SPAG16: variants seen among roughly 807,000 people sequenced by gnomAD.
SPAG16 encodes the protein sperm associated antigen 16.
Under a neutral mutation model 80.4 loss-of-function variants are expected in SPAG16, and 86 were observed. The observed-to-expected ratio is 1.07, with a 90% CI of 0.90 to 1.28. The LOEUF (loss-of-function observed/expected upper bound fraction) is 1.28. Among genes scored for constraint, SPAG16 ranks in the 50% most tolerant of loss-of-function variants. The pLI, the probability that SPAG16 is intolerant of heterozygous loss-of-function variation, is 0.00. For synonymous variants in SPAG16, 294 were observed against 265.9 expected (o/e 1.11, Z -1.03); for missense variants, 870 against 765.3 (o/e 1.14, Z -1.61).
chr2:213,467,905 A>T (rs560233270), intron 9 of SPAG16, among the ~76,000 whole-genome samples: 1 of 152,228 alleles, frequency 6.6e-6, no homozygotes, highest in African/African-American at 2.4e-5. Flanking sequence ...CATCTCAGGG[A>T]TTCTGGGTTT....
intron 10 of SPAG16, among the ~76,000 whole-genome samples, chr2:213,532,222 A>C (rs1256061823): frequency 6.6e-6 from 1 of 152,160 alleles, no homozygotes; most frequent in Non-Finnish European, 1.5e-5. Context: ...TTTTTTAAAA[A>C]CCACAGTCAA....
At chr2:213,490,226 C>G (rs1472023921) in intron 10 of SPAG16, 136 bp downstream of exon 10, 5 of 781,894 alleles carry the variant, frequency 6.4e-6, no homozygotes. Flanking sequence ...ATGAAAGAAT[C>G]TGCTTATAGT....
intron 15 of SPAG16, among the ~76,000 whole-genome samples, chr2:214,228,444 G>A (rs1688436700): frequency 6.6e-6 from 1 of 151,698 alleles, no homozygotes; most frequent in African/African-American, 2.4e-5. Context: ...AGCTACCAAG[G>A]ATTGGAATAG....
intron 12 of SPAG16, among the ~76,000 whole-genome samples, chr2:213,982,120 G>A (rs1170747032): frequency 6.7e-6 from 1 of 149,446 alleles, no homozygotes; most frequent in Non-Finnish European, 1.5e-5. Flanking sequence ...TAACGTTAGA[G>A]TTCTAGTTAG....
intron 9 of SPAG16, among the ~76,000 whole-genome samples, chr2:213,413,743 C>T (rs1037519994): frequency 4.6e-5 from 7 of 152,228 alleles, no homozygotes; most frequent in Admixed American, 1.3e-4. Flanking sequence ...AATGGAAATA[C>T]GTGATACTCC....
intron 9 of SPAG16, among the ~76,000 whole-genome samples, chr2:213,467,595 C>G (rs1238051297): frequency 2.0e-5 from 3 of 152,212 alleles, no homozygotes. Flanking sequence ...ACAGAAATGG[C>G]TGTGCTGGTA....
At chr2:213,612,916 G>A (rs146088181) in intron 10 of SPAG16, among the ~76,000 whole-genome samples, 114 of 152,176 alleles carry the variant, frequency 7.5e-4, no homozygotes, top group Middle Eastern at 3.4e-3. Flanking sequence ...CCGGCAATCC[G>A]CTCGCCTTGA....
chr2:213,303,668 A>G (rs2062833942), intron 3 of SPAG16, among the ~76,000 whole-genome samples: 2 of 152,036 alleles, frequency 1.3e-5, no homozygotes, highest in South Asian at 4.1e-4. Context: ...CACTTACATA[A>G]TGATGTCCAG....
chr2:214,273,312 T>A (rs1019099255), intron 15 of SPAG16, among the ~76,000 whole-genome samples: 8 of 152,188 alleles, frequency 5.3e-5, no homozygotes, highest in Non-Finnish European at 7.3e-5. Flanking sequence ...CCCATTTGTC[T>A]ATTTTGGCTT....
At chr2:213,754,201 A>G (rs1218444350) in intron 10 of SPAG16, among the ~76,000 whole-genome samples, 3 of 152,178 alleles carry the variant, frequency 2.0e-5, no homozygotes, top group Admixed American at 6.6e-5. Flanking sequence ...ATCTTTAGAC[A>G]TACCAGATAC....
chr2:214,243,034 T>A (rs969083097), intron 15 of SPAG16, among the ~76,000 whole-genome samples: 1 of 152,156 alleles, frequency 6.6e-6, no homozygotes, highest in African/African-American at 2.4e-5. Context: ...AAAGCATGTA[T>A]AATAAAATCC....
intron 5 of SPAG16, among the ~76,000 whole-genome samples, chr2:213,324,307 C>G (rs917861578): frequency 2.6e-5 from 4 of 152,064 alleles, no homozygotes; most frequent in African/African-American, 9.7e-5. Flanking sequence ...GCTTTATATA[C>G]ATTGAAGTAT....
chr2:213,640,698 A>G (rs926884686), intron 10 of SPAG16, among the ~76,000 whole-genome samples: 1 of 152,186 alleles, frequency 6.6e-6, no homozygotes, highest in Admixed American at 6.5e-5. Context: ...GTAGTTGTTT[A>G]GTCCACTGTC....
At chr2:214,397,901 G>C (rs1412208435) in intron 15 of SPAG16, among the ~76,000 whole-genome samples, 1 of 152,114 alleles carries the variant, frequency 6.6e-6, no homozygotes, top group Non-Finnish European at 1.5e-5. Context: ...ACAGCATCTT[G>C]TTCTTCATTT....
intron 12 of SPAG16, among the ~76,000 whole-genome samples, chr2:213,944,537 C>T (rs1319610012): frequency 2.0e-5 from 3 of 152,136 alleles, no homozygotes; most frequent in Non-Finnish European, 4.4e-5. Context: ...ATAAATCATA[C>T]CTCAAGATTC....
At chr2:213,607,841 G>T (rs574506516) in intron 10 of SPAG16, among the ~76,000 whole-genome samples, 1 of 152,136 alleles carries the variant, frequency 6.6e-6, no homozygotes, top group Non-Finnish European at 1.5e-5. Context: ...TAATTTGTCA[G>T]GTGCAACTGC....
chr2:213,777,419 T>A (rs937582765), intron 10 of SPAG16, among the ~76,000 whole-genome samples: 1 of 151,338 alleles, frequency 6.6e-6, no homozygotes, highest in African/African-American at 2.4e-5. Context: ...ACTAATTTTT[T>A]TTTTTGAGAT....
At chr2:213,313,344 C>G (rs1340855789) in intron 4 of SPAG16, among the ~76,000 whole-genome samples, 2 of 151,742 alleles carry the variant, frequency 1.3e-5, no homozygotes, top group Non-Finnish European at 2.9e-5. Context: ...GAAGGTGAAG[C>G]CTTAGGCTTA....
At chr2:213,646,149 A>AGT (rs2062815844) in intron 10 of SPAG16, among the ~76,000 whole-genome samples, 1 of 152,212 alleles carries the variant, frequency 6.6e-6, no homozygotes, top group Admixed American at 6.5e-5. Flanking sequence ...ATCATGATTC[A>AGT]AAACTGTTTT....
Sources: gnomAD v4.1 joint callset for allele counts (sites outside exome capture counted in the v4.1 genomes callset) on GRCh38, gnomAD v4.1.1 for gene constraint, MANE v1.5 for transcripts, NCBI Gene and HGNC (gene_info 2026-07-23, HGNC 2026-07-21) for gene names.